The following ABL1 variants were observed in gnomAD, a reference collection of about 807,000 sequenced individuals.
ABL1 encodes the protein tyrosine-protein kinase ABL1.
Under a neutral mutation model 94.7 loss-of-function variants are expected in ABL1, and 11 were observed. That is an observed-to-expected ratio of 0.12 (90% confidence interval 0.07 to 0.19). ABL1 has a LOEUF of 0.19. ABL1 is among the 10% of genes least tolerant of loss of function. ABL1 has a pLI of 1.00. For missense variants in ABL1, 1,082 were observed against 1,489.4 expected (o/e 0.73, Z 4.50); for synonymous variants, 656 against 622.4 (o/e 1.05, Z -0.80).
At chr9:130,771,678 C>T (rs1189152988) in intron 1 of ABL1, among the ~76,000 whole-genome samples, 1 of 151,716 alleles carries the variant, frequency 6.6e-6, no homozygotes, top group African/African-American at 2.4e-5. Context: ...ACTGGGATAG[C>T]AGCAGTACCC....
Position 130,872,193 on chromosome 9 carries a change from C to A in ABL1, c.887C>A (p.Pro296His). ...GCAGTCATGAAAGAGATCAAACACC[C>A]TAACCTGGTGCAGCTCCTTGGTGAG... is the stretch of plus-strand genomic sequence containing the variant. ...EAAVMKEIKH[P>H]NLVQLLGVCT... Residue 296 changes from proline to histidine, a missense_variant, in exon 5 of 11, where the codon CCT becomes CAT. Transcript: ENST00000318560. This position sits in a 1 kb window ranked among gnomAD's most constrained non-coding sequence, Gnocchi z 5.0. 6.2e-7 allele frequency: 1 copy of A among 1,614,096 alleles called. No individual in the cohort carries two copies. The highest frequency in any genetic ancestry group is 1.7e-4 in the Middle Eastern group (1 of 6,052).
intron 4 of ABL1, among the ~76,000 whole-genome samples, chr9:130,869,300 A>T (rs777414382): frequency 5.9e-5 from 9 of 152,364 alleles, no homozygotes; most frequent in Middle Eastern, 3.4e-3. Context: ...ACTCAGGAAT[A>T]GAGATAAACT....
intron 1 of ABL1, among the ~76,000 whole-genome samples, chr9:130,837,424 GT>G (rs1830605681): frequency 6.6e-6 from 1 of 151,936 alleles, no homozygotes; most frequent in East Asian, 1.9e-4. Context: ...TCATTGTTTT[GT>G]TTTCCTGGGA....
intron 1 of ABL1, among the ~76,000 whole-genome samples, chr9:130,811,950 A>G (rs1830214184): frequency 6.6e-6 from 1 of 150,454 alleles, no homozygotes; most frequent in African/African-American, 2.4e-5. Context: ...TGGGATAAAT[A>G]TCTTTAAATA....
intron 1 of ABL1, among the ~76,000 whole-genome samples, chr9:130,732,074 T>C (rs893538751): frequency 6.6e-6 from 1 of 152,168 alleles, no homozygotes; most frequent in Non-Finnish European, 1.5e-5. Flanking sequence ...CCCTTGATAG[T>C]GGAGACCATG....
In ABL1 at chr9:130,835,447, ATGT is replaced by A. The variant is rs1588259041; in HGVS notation, c.4_6del (p.Leu2?). 6.4e-7 allele frequency: 1 copy of A among 1,553,480 alleles called. No individual in the cohort carries two copies. Among genetic ancestry groups the A allele is most frequent in the Non-Finnish European group, 8.7e-7 (1 of 1,147,486 alleles). Reference sequence around the variant, plus strand: ...GCCCCCGACGTGCTGGCGCGGGAAAATGTTGGAGATCTGCCTGAAGCTGGTGGG... The same window carrying A: ...GCCCCCGACGTGCTGGCGCGGGAAAATGGAGATCTGCCTGAAGCTGGTGGG... On this transcript the variant is annotated start_lost and inframe_deletion, in exon 1 of 11. Coordinates refer to ENST00000318560, the MANE Select transcript of ABL1 (RefSeq NM_005157.6). The surrounding 1 kb of genome is among the most constrained non-coding windows in gnomAD (Gnocchi z 4.6).
chr9:130,817,658 A>G (rs980953713), intron 1 of ABL1, among the ~76,000 whole-genome samples: 25 of 152,230 alleles, frequency 1.6e-4, no homozygotes, highest in Non-Finnish European at 1.5e-5. Context: ...TTCTGCAGAA[A>G]GTAAAAAATG....
At chr9:130,883,732 A>G (rs1831507561) in intron 10 of ABL1, among the ~76,000 whole-genome samples, 1 of 152,200 alleles carries the variant, frequency 6.6e-6, no homozygotes, top group African/African-American at 2.4e-5. Flanking sequence ...AGCTCTGGGA[A>G]TAAGGGGCTG....
chr9:130,854,388 G>A (rs2132956988), intron 2 of ABL1, 151 bp downstream of exon 2: 2 of 909,558 alleles, frequency 2.2e-6, no homozygotes, highest in Non-Finnish European at 1.6e-6. Flanking sequence ...TTCTAAGGGA[G>A]TCGACTCTCC....
At chr9:130,782,651 A>AG (rs1231006847) in intron 1 of ABL1, among the ~76,000 whole-genome samples, 1 of 152,226 alleles carries the variant, frequency 6.6e-6, no homozygotes, top group Non-Finnish European at 1.5e-5. Context: ...GAACATGCCA[A>AG]GATATAATGC....
At chr9:130,817,601 C>A (rs1412826661) in intron 1 of ABL1, among the ~76,000 whole-genome samples, 1 of 152,198 alleles carries the variant, frequency 6.6e-6, no homozygotes, top group African/African-American at 2.4e-5. Context: ...ACCCTGTCTC[C>A]TTTGTTCAGT....
chr9:130,739,353 T>A (rs1192699064), intron 1 of ABL1, among the ~76,000 whole-genome samples: 1 of 151,832 alleles, frequency 6.6e-6, no homozygotes, highest in Non-Finnish European at 1.5e-5. Flanking sequence ...AAATGCATAG[T>A]CCTTCCTGAT....
intron 1 of ABL1, among the ~76,000 whole-genome samples, chr9:130,774,586 G>A (rs1339565553): frequency 6.6e-6 from 1 of 152,150 alleles, no homozygotes. Context: ...CACTTTGGAA[G>A]GCTGAGGTGG....
intron 1 of ABL1, among the ~76,000 whole-genome samples, chr9:130,836,843 A>T (rs571985816): frequency 6.6e-6 from 1 of 150,446 alleles, no homozygotes; most frequent in Admixed American, 6.6e-5. Context: ...AAAAAAAAAA[A>T]AAAGAGTAGA....
chr9:130,776,322 G>A (rs2250957), intron 1 of ABL1, among the ~76,000 whole-genome samples: 65,276 of 152,050 alleles, frequency 0.43, 14,387 homozygotes, highest in Middle Eastern at 0.52. Flanking sequence ...GAGGCTGGGC[G>A]CGGTGGCTCA....
intron 1 of ABL1, among the ~76,000 whole-genome samples, chr9:130,807,339 C>T (rs879675580): frequency 3.9e-5 from 6 of 151,940 alleles, no homozygotes; most frequent in Non-Finnish European, 7.4e-5. Flanking sequence ...GCCTCCACCT[C>T]CTGGGTTCAA....
At position 130,886,732 on chromosome 9, in the gene ABL1, C is replaced by G. The variant is rs34712944; in HGVS notation, c.*1049C>G. The G allele has an allele frequency of 0.014, 3,249 of 233,586 alleles. 106 individuals are homozygous for G. Among genetic ancestry groups the G allele is most frequent in the African/African-American group, 0.066 (3,006 of 45,452 alleles). The allele number at this position is 233,586 out of a possible 1,614,324, so 14.5% of individuals were successfully genotyped here. ...GGCCCTTTCCTTTGGAACAAGACAG[C>G]CTTCACTTTTCTGAGTTCTTGAAGC... On this transcript the variant is annotated 3_prime_UTR_variant, in exon 11 of 11. Coordinates refer to ENST00000318560, the MANE Select transcript of ABL1 (RefSeq NM_005157.6).
chr9:130,773,424 A>T (rs1238567562), intron 1 of ABL1, among the ~76,000 whole-genome samples: 3 of 152,180 alleles, frequency 2.0e-5, no homozygotes, highest in Non-Finnish European at 4.4e-5. Flanking sequence ...TGCTAATTTC[A>T]GTAATCAAGA....
At chr9:130,793,820 A>G (rs1349196350) in intron 1 of ABL1, among the ~76,000 whole-genome samples, 1 of 152,132 alleles carries the variant, frequency 6.6e-6, no homozygotes, top group Non-Finnish European at 1.5e-5. Flanking sequence ...CATAGTACTC[A>G]TTACTGCCTG....
Sources: gnomAD v4.1 joint callset for allele counts (sites outside exome capture counted in the v4.1 genomes callset) on GRCh38, gnomAD v4.1.1 for gene constraint, Gnocchi (gnomAD v3.1) non-coding constraint, MANE v1.5 for transcripts, NCBI Gene and HGNC (gene_info 2026-07-23, HGNC 2026-07-21) for gene names.